TET1: variants seen among roughly 807,000 people sequenced by gnomAD.
The protein encoded by TET1 is methylcytosine dioxygenase TET1.
TET1 carries 13 observed loss-of-function variants against 148.7 expected under a neutral mutation model. The observed-to-expected ratio is 0.09, with a 90% CI of 0.06 to 0.14. The LOEUF is 0.14. Ranked by LOEUF, TET1 falls within the 10% of genes least tolerant of loss-of-function variation. The pLI, the probability that TET1 is intolerant of heterozygous loss-of-function variation, is 1.00. For missense variants in TET1, 2,182 were observed against 2,553.8 expected (o/e 0.85, Z 3.14); for synonymous variants, 907 against 937.2 (o/e 0.97, Z 0.59).
rs367630351 is a variant in TET1 at position 68,645,533 on chromosome 10, A to G, written c.2804A>G (p.Tyr935Cys). 6.2e-7 allele frequency: 1 copy of G among 1,614,158 alleles called. No individual in the cohort carries two copies. The highest frequency in any genetic ancestry group is 2.2e-5 in the East Asian group (1 of 44,884). The change falls in exon 4 of 12, where the codon TAC becomes TGC. Residue 935 changes from tyrosine to cysteine, a missense_variant. By Grantham distance (194) the Tyr-to-Cys change is radical (BLOSUM62 -2). Around this residue, in one of 11 missense-constraint regions of TET1, gnomAD observed 582 missense variants for 599.5 expected, o/e 0.97. Coordinates refer to ENST00000373644, the MANE Select transcript of TET1 (RefSeq NM_030625.3). Reference sequence around the variant, plus strand: ...CTTAATAGCTGCAAAGCTATCCTCTACACTGTAAGAAAAGACCTCCAAGAC... The same window carrying G: ...CTTAATAGCTGCAAAGCTATCCTCTGCACTGTAAGAAAAGACCTCCAAGAC... Reference protein sequence around the residue: ...SLLNSCKAILYTVRKDLQDPN... With the variant: ...SLLNSCKAILCTVRKDLQDPN...
chr10:68,690,779 T>C (rs753358618), intron 11 of TET1, 29 bp from the exon 12 acceptor site: 5 of 1,531,946 alleles, frequency 3.3e-6, no homozygotes, highest in Non-Finnish European at 4.4e-6. Context: ...TAATTTGTAT[T>C]TTTCTTCACA....
chr10:68,605,165 T>C (rs1242639143), intron 3 of TET1, among the ~76,000 whole-genome samples: 1 of 152,200 alleles, frequency 6.6e-6, no homozygotes, highest in East Asian at 1.9e-4. Flanking sequence ...CCTTCATTCC[T>C]TGATGATGCT....
intron 6 of TET1, among the ~76,000 whole-genome samples, chr10:68,656,548 G>A (rs2055024761): frequency 6.6e-6 from 1 of 152,158 alleles, no homozygotes; most frequent in African/African-American, 2.4e-5. Flanking sequence ...TTTTTTAACA[G>A]ATTTTATGTC....
chr10:68,607,616 A>G (rs1054395147), intron 3 of TET1, among the ~76,000 whole-genome samples: 13 of 151,468 alleles, frequency 8.6e-5, no homozygotes, highest in Admixed American at 7.9e-4. Flanking sequence ...TATTTTTTGT[A>G]GAGACAAGGT....
intron 1 of TET1, among the ~76,000 whole-genome samples, chr10:68,567,319 T>A (rs1385726697): frequency 6.6e-6 from 1 of 152,114 alleles, no homozygotes; most frequent in Non-Finnish European, 1.5e-5. Context: ...TCTCTAGACA[T>A]GAAACTAAAC....
At chr10:68,568,860 G>A (rs1438529303) in intron 1 of TET1, among the ~76,000 whole-genome samples, 1 of 151,828 alleles carries the variant, frequency 6.6e-6, no homozygotes, top group African/African-American at 2.4e-5. Context: ...CAAAAAAAAA[G>A]AAAAAGAAAA....
At chr10:68,688,666 C>T (rs1156734089) in intron 11 of TET1, among the ~76,000 whole-genome samples, 2 of 151,940 alleles carry the variant, frequency 1.3e-5, no homozygotes, top group Non-Finnish European at 2.9e-5. Context: ...TCTCGATCTC[C>T]TGACCTCGTG....
intron 7 of TET1, among the ~76,000 whole-genome samples, chr10:68,670,092 T>TA (rs1431954019): frequency 6.6e-6 from 1 of 152,212 alleles, no homozygotes; most frequent in Non-Finnish European, 1.5e-5. Context: ...TCTTTTTCCC[T>TA]AAATAATACT....
chr10:68,666,949 C>A, intron 6 of TET1, 96 bp from the exon 7 acceptor site: 1 of 1,097,448 alleles, frequency 9.1e-7, no homozygotes, highest in Non-Finnish European at 1.3e-6. Context: ...AGTAAATAAA[C>A]TAAAATATAA....
intron 3 of TET1, among the ~76,000 whole-genome samples, chr10:68,628,531 T>C (rs778308556): frequency 6.6e-6 from 1 of 152,220 alleles, no homozygotes; most frequent in Non-Finnish European, 1.5e-5. Context: ...CAGGAAGGGA[T>C]AGCATTGCAA....
At position 68,661,149 on chromosome 10, in the gene TET1, C is replaced by T. The variant is rs559000047; in HGVS notation, c.4462-5896C>T. 1.1e-3 allele frequency among the ~76,000 whole-genome samples: 173 copies of T among 151,014 alleles called. 2 individuals carry two copies. The highest frequency in any genetic ancestry group is 3.9e-3 in the African/African-American group (162 of 41,170). On this transcript the variant is annotated intron_variant, in intron 6 of 11. Coordinates refer to ENST00000373644, the MANE Select transcript of TET1 (RefSeq NM_030625.3). ...GGTTCACGCCATTCTCCTGCCTCAG[C>T]CTCCCGAGTAGCTGGGACTACAGGC... is the stretch of plus-strand genomic sequence containing the variant.
rs139068233 is a variant in TET1, at chr10:68,578,984, T to C, written c.1914+4732T>C. On this transcript the variant is annotated intron_variant, in intron 2 of 11. Transcript: ENST00000373644. ...GTGAGCTATGATCGCGCCACTGCACTCCAGCCTGGGTGACATAGCAAGACC... is the reference window on the plus strand; with the variant it reads ...GTGAGCTATGATCGCGCCACTGCACCCCAGCCTGGGTGACATAGCAAGACC... Among the ~76,000 whole-genome samples, 82 of 152,214 alleles carry C rather than the reference T, an allele frequency of 5.4e-4. No individual in the cohort carries two copies. In the East Asian group the frequency reaches 0.014, roughly 27 times the overall value.
In TET1 at chr10:68,692,536, C is replaced by A. The variant is rs2055607301; in HGVS notation, c.*722C>A. ...ATACAAGAGAAATCATTTATCCTTG[C>A]TGTGTAGAGTTCCATCTTGTTAACT... On this transcript the variant is annotated 3_prime_UTR_variant, in exon 12 of 12. Coordinates refer to ENST00000373644, the MANE Select transcript of TET1 (RefSeq NM_030625.3). 2 of 232,246 alleles carry A rather than the reference C, an allele frequency of 8.6e-6. No homozygotes were observed. Among genetic ancestry groups the A allele is most frequent in the Non-Finnish European group, 1.7e-5 (2 of 117,268 alleles). The allele number at this position is 232,246 out of a possible 1,614,324, so 14.4% of individuals were successfully genotyped here.
chr10:68,612,607 A>G (rs2132931207), intron 3 of TET1, among the ~76,000 whole-genome samples: 1 of 151,950 alleles, frequency 6.6e-6, no homozygotes, highest in South Asian at 2.1e-4. Context: ...TTCTATATGT[A>G]TGGGGGTTTT....
intron 3 of TET1, among the ~76,000 whole-genome samples, chr10:68,620,793 T>C (rs1005299158): frequency 2.0e-5 from 3 of 152,208 alleles, no homozygotes; most frequent in Non-Finnish European, 4.4e-5. Flanking sequence ...CCACTACCAG[T>C]GGATGAAAGG....
chr10:68,626,183 C>G (rs898430046), intron 3 of TET1, among the ~76,000 whole-genome samples: 2 of 151,000 alleles, frequency 1.3e-5, no homozygotes, highest in African/African-American at 4.9e-5. Context: ...GTTGTACTGA[C>G]TTCTAATGTC....
chr10:68,568,472 C>T (rs2053631348), intron 1 of TET1, among the ~76,000 whole-genome samples: 1 of 152,034 alleles, frequency 6.6e-6, no homozygotes, highest in African/African-American at 2.4e-5. Context: ...ATCTGTCCAC[C>T]TCAGGTGATC....
chr10:68,673,748 A>G (rs970819703), intron 8 of TET1, among the ~76,000 whole-genome samples: 1 of 151,980 alleles, frequency 6.6e-6, no homozygotes, highest in African/African-American at 2.4e-5. Context: ...AGAGTAAAAA[A>G]CATTTTATAT....
At chr10:68,585,796 T>G (rs1000108622) in intron 2 of TET1, among the ~76,000 whole-genome samples, 2 of 151,614 alleles carry the variant, frequency 1.3e-5, no homozygotes, top group African/African-American at 4.8e-5. Flanking sequence ...GATCACAAGG[T>G]CAAGAGATTG....
Sources: gnomAD v4.1 joint callset for allele counts (sites outside exome capture counted in the v4.1 genomes callset) on GRCh38, gnomAD v4.1.1 for gene constraint, gnomAD v4.1.1 regional missense constraint, MANE v1.5 for transcripts, NCBI Gene and HGNC (gene_info 2026-07-23, HGNC 2026-07-21) for gene names.